The following RASEF variants were observed in gnomAD, a reference collection of about 807,000 sequenced individuals.
The protein encoded by RASEF is ras and EF-hand domain-containing protein.
RASEF carries 68 observed loss-of-function variants against 90.1 expected under a neutral mutation model. The ratio of observed to expected loss-of-function variants is 0.75; its 90% CI spans 0.62 to 0.92. The LOEUF (loss-of-function observed/expected upper bound fraction) is 0.92. RASEF is among the 40% of genes least tolerant of loss of function. The pLI is 0.00. For synonymous variants in RASEF, 331 were observed against 345.2 expected, an observed-to-expected ratio of 0.96 and a Z score of 0.46; for missense variants, 949 against 937.2, an observed-to-expected ratio of 1.01 and a Z score of -0.16.
In RASEF at chr9:82,992,981, C is replaced by G. The variant is rs1828841491; in HGVS notation, c.1965G>C (p.Lys655Asn). 5 of 1,613,896 alleles carry G rather than the reference C, an allele frequency of 3.1e-6. No individual in the cohort carries two copies. The highest frequency in any genetic ancestry group is 4.2e-6 in the Non-Finnish European group (5 of 1,179,966). ...ETVPIMLVGNKADIRDTAATE... is the reference protein window; with the variant it reads ...ETVPIMLVGNNADIRDTAATE... ...TAGCAGCAGTGTCACGAATGTCAGCCTTGTTTCCTACCAGCATAATGGGAA... is the reference window on the plus strand; with the variant it reads ...TAGCAGCAGTGTCACGAATGTCAGCGTTGTTTCCTACCAGCATAATGGGAA... The change falls in exon 15 of 17, where the codon AAG (lysine) becomes AAC (asparagine). Residue 655 changes from lysine (K) to asparagine (N), a missense_variant. Lys to Asn is a moderately conservative substitution (Grantham distance 94). Coordinates refer to ENST00000376447, the MANE Select transcript of RASEF (RefSeq NM_152573.4).
Position 82,981,842 on chromosome 9 carries a change from A to C in RASEF, c.*835T>G, listed in dbSNP as rs1828610177. On this transcript the variant is annotated 3_prime_UTR_variant, in exon 17 of 17. Transcript: ENST00000376447. ...CTTTCCTGGGCATTGTGCTTTCAGTAGTATGTGGCTTTACATGTTTCCATT... is the reference window on the plus strand; with the variant it reads ...CTTTCCTGGGCATTGTGCTTTCAGTCGTATGTGGCTTTACATGTTTCCATT... 1 of 152,230 alleles carries C rather than the reference A, an allele frequency of 6.6e-6. No individual in the cohort carries two copies. The highest frequency in any genetic ancestry group is 6.5e-5 in the Admixed American group (1 of 15,284). 9.4% of individuals were successfully genotyped at this position (152,230 alleles called of 1,614,324 possible).
chr9:83,147,641 G>C, the RASEF span, among the ~76,000 whole-genome samples: 1 of 152,152 alleles, frequency 6.6e-6, no homozygotes, highest in African/African-American at 2.4e-5. Context: ...ATGTGTTACA[G>C]TGCTCCTTTA....
chr9:82,983,151 ACACACC>A (rs1828648213), intron 16 of RASEF, among the ~76,000 whole-genome samples: 1 of 125,502 alleles, frequency 8.0e-6, no homozygotes, highest in Non-Finnish European at 1.8e-5. Context: ...ACACACACAC[ACACACC>A]CTTCTCCCCT....
chr9:83,045,446 T>A, intron 1 of RASEF, among the ~76,000 whole-genome samples: 1 of 152,250 alleles, frequency 6.6e-6, no homozygotes, highest in East Asian at 1.9e-4. Context: ...TATCCCATCA[T>A]ATTTTCATTT....
At chr9:83,173,498 T>C in the RASEF span, among the ~76,000 whole-genome samples, 1 of 151,744 alleles carries the variant, frequency 6.6e-6, no homozygotes, top group Non-Finnish European at 1.5e-5. Flanking sequence ...TCCTTTCTTC[T>C]GCTTGATCAG....
chr9:83,159,945 G>A, the RASEF span, among the ~76,000 whole-genome samples: 1 of 152,164 alleles, frequency 6.6e-6, no homozygotes, highest in South Asian at 2.1e-4. Context: ...GAGTTTCCCT[G>A]CACAAGCTCT....
the RASEF span, among the ~76,000 whole-genome samples, chr9:83,122,434 C>T: frequency 6.6e-6 from 1 of 152,104 alleles, no homozygotes; most frequent in South Asian, 2.1e-4. Flanking sequence ...AGCAGCTCAG[C>T]CAAAGGAGGA....
At chr9:83,134,408 G>GCA in the RASEF span, among the ~76,000 whole-genome samples, 18,817 of 135,782 alleles carry the variant, frequency 0.14, 1,370 homozygotes, top group East Asian at 0.18. Flanking sequence ...GATCACAATA[G>GCA]CGCACACACA....
the RASEF span, among the ~76,000 whole-genome samples, chr9:83,144,382 A>AGGAAG: frequency 0.012 from 696 of 57,194 alleles, 19 homozygotes; most frequent in South Asian, 0.034. Context: ...AAAGAAAGAA[A>AGGAAG]GAAAGAAAGG....
the RASEF span, among the ~76,000 whole-genome samples, chr9:83,210,674 T>C: frequency 2.6e-5 from 4 of 152,264 alleles, no homozygotes; most frequent in Non-Finnish European, 5.9e-5. Context: ...ATGCTTATTA[T>C]ATTGGTCATT....
intron 3 of RASEF, among the ~76,000 whole-genome samples, chr9:83,018,928 T>G (rs1251127220): frequency 6.6e-6 from 1 of 152,144 alleles, no homozygotes; most frequent in Non-Finnish European, 1.5e-5. Context: ...TAGTCTTGTT[T>G]AATAAAGGTG....
chr9:82,997,816 G>A (rs1828949001), intron 13 of RASEF, among the ~76,000 whole-genome samples: 1 of 152,202 alleles, frequency 6.6e-6, no homozygotes. Context: ...GCTGAATAAT[G>A]CCTGGTACAG....
intron 1 of RASEF, among the ~76,000 whole-genome samples, chr9:83,046,526 T>A (rs1156702712): frequency 6.6e-6 from 1 of 152,156 alleles, no homozygotes; most frequent in African/African-American, 2.4e-5. Context: ...TTGAAGTACA[T>A]GCGATACCAA....
the RASEF span, among the ~76,000 whole-genome samples, chr9:83,185,459 T>C: frequency 6.6e-6 from 1 of 151,870 alleles, no homozygotes; most frequent in Non-Finnish European, 1.5e-5. Context: ...AGTCCTGGGA[T>C]TGGACTCTGT....
the RASEF span, among the ~76,000 whole-genome samples, chr9:83,191,589 G>T: frequency 6.6e-6 from 1 of 152,120 alleles, no homozygotes; most frequent in African/African-American, 2.4e-5. Context: ...GATCCACATG[G>T]TCTGTGATTA....
the RASEF span, among the ~76,000 whole-genome samples, chr9:83,093,366 G>A: frequency 6.6e-6 from 1 of 152,202 alleles, no homozygotes; most frequent in Non-Finnish European, 1.5e-5. Flanking sequence ...TGTCGGGGAG[G>A]CTCGGGCAGC....
intron 2 of RASEF, among the ~76,000 whole-genome samples, chr9:83,023,769 A>C (rs1829485636): frequency 6.6e-6 from 1 of 152,180 alleles, no homozygotes; most frequent in Admixed American, 6.5e-5. Context: ...GTAAATGGCT[A>C]AGGCACATAT....
chr9:83,167,920 T>C, the RASEF span, among the ~76,000 whole-genome samples: 4 of 152,166 alleles, frequency 2.6e-5, no homozygotes, highest in Admixed American at 2.6e-4. Flanking sequence ...GTTGATGATA[T>C]TTGAATCACT....
the RASEF span, among the ~76,000 whole-genome samples, chr9:83,182,070 T>TG: frequency 6.6e-6 from 1 of 152,202 alleles, no homozygotes; most frequent in Non-Finnish European, 1.5e-5. Context: ...AAGGAGTCTC[T>TG]GGGGTGGTGC....
Sources: allele counts gnomAD v4.1 joint callset (sites outside exome capture counted in the v4.1 genomes callset), GRCh38; gene constraint gnomAD v4.1.1; transcripts MANE v1.5; gene names NCBI Gene and HGNC (gene_info 2026-07-23, HGNC 2026-07-21).